The following FSTL5 variants were observed in gnomAD, a reference collection of about 807,000 sequenced individuals.
The protein encoded by FSTL5 is follistatin-related protein 5.
In FSTL5, 62 loss-of-function variants were observed where a neutral mutation model predicts 89.1. The observed-to-expected ratio is 0.70, with a 90% CI of 0.57 to 0.86. The LOEUF is 0.86. FSTL5 is among the 40% of genes least tolerant of loss of function. The pLI is 0.00. For synonymous variants in FSTL5, 383 were observed against 346.2 expected, an observed-to-expected ratio of 1.11 and a Z score of -1.18; for missense variants, 1,057 against 1,001.6, an observed-to-expected ratio of 1.06 and a Z score of -0.75.
At chr4:161,515,051 T>C (rs2126506749) in intron 10 of FSTL5, among the ~76,000 whole-genome samples, 1 of 152,260 alleles carries the variant, frequency 6.6e-6, no homozygotes, top group Non-Finnish European at 1.5e-5. Context: ...AGATAAAATG[T>C]ATTTTGCAAT....
At chr4:161,896,023 T>A (rs1470004543) in intron 4 of FSTL5, among the ~76,000 whole-genome samples, 1 of 152,202 alleles carries the variant, frequency 6.6e-6, no homozygotes, top group East Asian at 1.9e-4. Flanking sequence ...ACCAATGTGA[T>A]CATGGAAGCA....
intron 4 of FSTL5, among the ~76,000 whole-genome samples, chr4:161,877,184 GAA>G (rs5863494): frequency 3.9e-5 from 5 of 127,372 alleles, no homozygotes; most frequent in African/African-American, 6.0e-5. Context: ...ACTCTGTCTC[GAA>G]AAAAAAAAAA....
At chr4:161,969,359 T>C (rs1180081600) in intron 3 of FSTL5, among the ~76,000 whole-genome samples, 1 of 152,174 alleles carries the variant, frequency 6.6e-6, no homozygotes, top group Non-Finnish European at 1.5e-5. Flanking sequence ...TTTCAACATT[T>C]TTGGGAAACA....
intron 15 of FSTL5, among the ~76,000 whole-genome samples, chr4:161,452,617 T>C (rs1349923411): frequency 6.6e-6 from 1 of 151,600 alleles, no homozygotes; most frequent in Non-Finnish European, 1.5e-5. Context: ...GAAACGCATG[T>C]TAATTTTTAC....
chr4:161,657,884 C>T (rs746905934), intron 6 of FSTL5, among the ~76,000 whole-genome samples: 7 of 152,138 alleles, frequency 4.6e-5, no homozygotes, highest in Non-Finnish European at 7.4e-5. Context: ...ACTCACACTC[C>T]TATTCTGTTA....
chr4:161,772,455 G>A (rs575067721), intron 5 of FSTL5, among the ~76,000 whole-genome samples: 8 of 151,948 alleles, frequency 5.3e-5, no homozygotes, highest in African/African-American at 1.4e-4. Flanking sequence ...AACTCTTAAC[G>A]ACTCATCCAA....
At chr4:161,735,639 T>G (rs921749290) in intron 6 of FSTL5, among the ~76,000 whole-genome samples, 1 of 152,192 alleles carries the variant, frequency 6.6e-6, no homozygotes, top group Non-Finnish European at 1.5e-5. Context: ...TATTCAGAAT[T>G]TATCATGCGT....
chr4:161,629,959 C>T (rs547748318), intron 7 of FSTL5, among the ~76,000 whole-genome samples: 55 of 152,296 alleles, frequency 3.6e-4, no homozygotes, highest in Non-Finnish European at 6.6e-4. Flanking sequence ...GCCGGCCATT[C>T]TCTTATGCAT....
intron 1 of FSTL5, among the ~76,000 whole-genome samples, chr4:162,126,661 T>C (rs2111447064): frequency 6.6e-6 from 1 of 152,322 alleles, no homozygotes; most frequent in South Asian, 2.1e-4. Context: ...TTTACATCAT[T>C]TTGTCTTTTA....
intron 4 of FSTL5, among the ~76,000 whole-genome samples, chr4:161,919,745 A>C (rs536386174): frequency 6.8e-4 from 103 of 152,198 alleles, no homozygotes; most frequent in Non-Finnish European, 1.1e-3. Context: ...ATGTATAAAA[A>C]CTGAATGATG....
intron 4 of FSTL5, among the ~76,000 whole-genome samples, chr4:161,782,471 A>G (rs1023149302): frequency 6.6e-6 from 1 of 152,138 alleles, no homozygotes; most frequent in African/African-American, 2.4e-5. Context: ...TCTGTTTTAG[A>G]GCGGATTATT....
chr4:162,110,911 C>T (rs1010931457), intron 2 of FSTL5, among the ~76,000 whole-genome samples: 1 of 151,762 alleles, frequency 6.6e-6, no homozygotes, highest in Non-Finnish European at 1.5e-5. Context: ...TAGGACATAA[C>T]ACTTATTTAG....
At chr4:162,046,494 A>G (rs1468415147) in intron 2 of FSTL5, among the ~76,000 whole-genome samples, 1 of 152,124 alleles carries the variant, frequency 6.6e-6, no homozygotes, top group Non-Finnish European at 1.5e-5. Context: ...AAGCATAACC[A>G]ACTGCATACT....
At chr4:161,878,780 TG>T (rs1038619907) in intron 4 of FSTL5, among the ~76,000 whole-genome samples, 3 of 152,290 alleles carry the variant, frequency 2.0e-5, no homozygotes. Flanking sequence ...CCCATTTCTA[TG>T]GTTATTATAT....
intron 3 of FSTL5, among the ~76,000 whole-genome samples, chr4:161,945,230 AATC>A (rs965606056): frequency 5.3e-5 from 8 of 152,168 alleles, no homozygotes; most frequent in African/African-American, 1.9e-4. Context: ...ATTTCAGGCT[AATC>A]ATTTTTTTGT....
intron 3 of FSTL5, among the ~76,000 whole-genome samples, chr4:161,934,287 TG>T (rs1186907591): frequency 6.6e-6 from 1 of 152,084 alleles, no homozygotes; most frequent in Non-Finnish European, 1.5e-5. Flanking sequence ...TATAGACAAT[TG>T]GAAATATAAA....
intron 8 of FSTL5, among the ~76,000 whole-genome samples, chr4:161,585,479 C>T (rs1341628669): frequency 2.7e-5 from 4 of 149,948 alleles, no homozygotes; most frequent in African/African-American, 9.9e-5. Context: ...CTAAAAACTA[C>T]TAAGAACTCT....
chr4:161,966,360 C>T (rs1361536305), intron 3 of FSTL5, among the ~76,000 whole-genome samples: 1 of 152,048 alleles, frequency 6.6e-6, no homozygotes, highest in Non-Finnish European at 1.5e-5. Context: ...ACGAATTACT[C>T]AGGAAATCTT....
At chr4:162,015,379 T>C (rs1736887786) in intron 3 of FSTL5, among the ~76,000 whole-genome samples, 2 of 152,228 alleles carry the variant, frequency 1.3e-5, no homozygotes, top group Non-Finnish European at 2.9e-5. Context: ...AGCTTAGCTC[T>C]TCCTTCAGTC....
Sources: gnomAD v4.1 joint callset for allele counts (sites outside exome capture counted in the v4.1 genomes callset) on GRCh38, gnomAD v4.1.1 for gene constraint, MANE v1.5 for transcripts, NCBI Gene and HGNC (gene_info 2026-07-23, HGNC 2026-07-21) for gene names.